Variants in CNTN5 observed in about 807,000 individuals in gnomAD.
CNTN5 encodes the protein contactin-5.
Under a neutral mutation model 129.1 loss-of-function variants are expected in CNTN5, and 77 were observed. The ratio of observed to expected loss-of-function variants is 0.60; its 90% CI spans 0.50 to 0.72. The LOEUF is 0.72. Ranked by LOEUF, CNTN5 falls within the 30% of genes least tolerant of loss-of-function variation. The pLI, the probability that CNTN5 is intolerant of heterozygous loss-of-function variation, is 0.00. For missense variants in CNTN5, 1,478 were observed against 1,328.8 expected (o/e 1.11, Z -1.75); for synonymous variants, 509 against 465.6 (o/e 1.09, Z -1.20).
chr11:99,126,931 G>T (rs1858665310), intron 1 of CNTN5, among the ~76,000 whole-genome samples: 1 of 152,092 alleles, frequency 6.6e-6, no homozygotes, highest in African/African-American at 2.4e-5. Flanking sequence ...CAGAGCCCAG[G>T]AGGAATTTGA....
At chr11:99,727,954 G>C (rs1943408881) in intron 3 of CNTN5, among the ~76,000 whole-genome samples, 1 of 152,010 alleles carries the variant, frequency 6.6e-6, no homozygotes, top group Non-Finnish European at 1.5e-5. Flanking sequence ...ATTTGTCTGA[G>C]GTTTCGAATG....
intron 1 of CNTN5, among the ~76,000 whole-genome samples, chr11:99,047,486 T>C (rs1864262134): frequency 6.6e-6 from 1 of 152,028 alleles, no homozygotes; most frequent in African/African-American, 2.4e-5. Flanking sequence ...TAACATTGTA[T>C]GTAAAATAAA....
chr11:100,041,445 G>A (rs1050849395), intron 9 of CNTN5, among the ~76,000 whole-genome samples: 11 of 152,110 alleles, frequency 7.2e-5, no homozygotes, highest in Non-Finnish European at 1.6e-4. Flanking sequence ...ATATATAATT[G>A]CTGAGTGAAC....
intron 2 of CNTN5, among the ~76,000 whole-genome samples, chr11:99,401,777 C>T (rs1941822727): frequency 6.6e-6 from 1 of 151,582 alleles, no homozygotes; most frequent in Non-Finnish European, 1.5e-5. Context: ...TTATAGTTTT[C>T]ATTATGGAGG....
intron 2 of CNTN5, among the ~76,000 whole-genome samples, chr11:99,468,339 T>C (rs1187879685): frequency 1.3e-5 from 2 of 152,192 alleles, no homozygotes; most frequent in Admixed American, 6.5e-5. Flanking sequence ...GTATATAGCA[T>C]AGTATCAACA....
At chr11:100,167,656 A>G (rs1028064939) in intron 13 of CNTN5, among the ~76,000 whole-genome samples, 3 of 151,910 alleles carry the variant, frequency 2.0e-5, no homozygotes, top group African/African-American at 7.2e-5. Flanking sequence ...AACAAAAGAA[A>G]CAGACCTAGA....
intron 21 of CNTN5, among the ~76,000 whole-genome samples, chr11:100,312,342 TCTCTCTTTTC>T (rs767191514): frequency 5.3e-5 from 8 of 151,988 alleles, no homozygotes; most frequent in Non-Finnish European, 1.2e-4. Flanking sequence ...GCTATCAGGA[TCTCTCTTTTC>T]CTCTCTTTTC....
intron 1 of CNTN5, among the ~76,000 whole-genome samples, chr11:99,124,522 C>G (rs1858520414): frequency 6.6e-6 from 1 of 151,860 alleles, no homozygotes; most frequent in Admixed American, 6.6e-5. Context: ...TTAGAAAGGT[C>G]TCCAATTAAC....
At chr11:100,033,404 C>T (rs1205303431) in intron 9 of CNTN5, among the ~76,000 whole-genome samples, 2 of 152,162 alleles carry the variant, frequency 1.3e-5, no homozygotes, top group African/African-American at 4.8e-5. Flanking sequence ...ATAAAGGTTT[C>T]TGGCCTTGAC....
intron 1 of CNTN5, among the ~76,000 whole-genome samples, chr11:99,039,304 T>C (rs11218151): frequency 0.078 from 11,833 of 152,186 alleles, 844 homozygotes; most frequent in East Asian, 0.23. Context: ...TATTACCTCT[T>C]TTATTCCTCT....
chr11:99,188,480 C>A (rs976097618), intron 1 of CNTN5, among the ~76,000 whole-genome samples: 27 of 151,734 alleles, frequency 1.8e-4, no homozygotes, highest in Non-Finnish European at 3.1e-4. Flanking sequence ...GAAATGAGCT[C>A]TCAGTGTATA....
At chr11:99,602,384 A>G (rs1008988098) in intron 3 of CNTN5, among the ~76,000 whole-genome samples, 22 of 152,150 alleles carry the variant, frequency 1.4e-4, no homozygotes, top group Admixed American at 1.3e-3. Context: ...GATATTAAAG[A>G]GGAAAGCGCA....
intron 1 of CNTN5, among the ~76,000 whole-genome samples, chr11:99,078,282 G>C (rs955046368): frequency 3.3e-5 from 5 of 152,120 alleles, no homozygotes; most frequent in African/African-American, 1.2e-4. Context: ...ATGTTGAATA[G>C]ATATTTTAAA....
chr11:99,898,909 A>G (rs1949279367), intron 6 of CNTN5, among the ~76,000 whole-genome samples: 1 of 152,006 alleles, frequency 6.6e-6, no homozygotes, highest in Admixed American at 6.6e-5. Flanking sequence ...GATCAACGTA[A>G]AGTTGCTTCT....
At chr11:99,593,632 C>A (rs745821059) in intron 3 of CNTN5, among the ~76,000 whole-genome samples, 1 of 152,146 alleles carries the variant, frequency 6.6e-6, no homozygotes, top group Non-Finnish European at 1.5e-5. Context: ...ATAGAAAATA[C>A]TTTTTGGGTA....
At chr11:99,754,305 C>T (rs1485416792) in intron 3 of CNTN5, among the ~76,000 whole-genome samples, 1 of 152,212 alleles carries the variant, frequency 6.6e-6, no homozygotes, top group Non-Finnish European at 1.5e-5. Flanking sequence ...ACATTTCTGT[C>T]TTAAAAGCTC....
chr11:100,143,449 G>A lies in CNTN5; in HGVS notation c.1581-47677G>A, dbSNP rs549100977. On this transcript the variant is annotated intron_variant, in intron 13 of 24. Coordinates refer to ENST00000524871, the MANE Select transcript of CNTN5 (RefSeq NM_014361.4). Reference sequence around the variant, plus strand: ...AACTAAACTCAGAAAAATGAGACTCGCTGGGCAAAACCTAGTTATACTAGG... The same window carrying A: ...AACTAAACTCAGAAAAATGAGACTCACTGGGCAAAACCTAGTTATACTAGG... Among the ~76,000 whole-genome samples the A allele has an allele frequency of 3.9e-4, 59 of 152,122 alleles. No homozygotes were observed. The East Asian group carries it at 5.2e-3, about 13-fold the overall frequency.
chr11:99,270,120 A>G (rs1863105345), intron 1 of CNTN5, among the ~76,000 whole-genome samples: 1 of 151,794 alleles, frequency 6.6e-6, no homozygotes, highest in Non-Finnish European at 1.5e-5. Flanking sequence ...AGCCCTTAAA[A>G]ACACTGTTCC....
chr11:99,145,742 A>G (rs188180278), intron 1 of CNTN5, among the ~76,000 whole-genome samples: 7 of 152,270 alleles, frequency 4.6e-5, no homozygotes, highest in Admixed American at 2.0e-4. Flanking sequence ...GATGGTAATA[A>G]TATTTTATAG....
Sources: gnomAD v4.1 joint callset for allele counts (sites outside exome capture counted in the v4.1 genomes callset) on GRCh38, gnomAD v4.1.1 for gene constraint, MANE v1.5 for transcripts, NCBI Gene and HGNC (gene_info 2026-07-23, HGNC 2026-07-21) for gene names.